Variants in DCAF6 observed in about 807,000 individuals in gnomAD.
DCAF6 encodes DDB1- and CUL4-associated factor 6.
DCAF6 carries 54 observed loss-of-function variants against 125.1 expected under a neutral mutation model. The ratio of observed to expected loss-of-function variants is 0.43; its 90% CI spans 0.35 to 0.54. DCAF6 has a LOEUF of 0.54. Among genes scored for constraint, DCAF6 ranks in the 20% least tolerant of loss-of-function variants. The pLI, the probability that DCAF6 is intolerant of heterozygous loss-of-function variation, is 0.01. For missense variants in DCAF6, 934 were observed against 1,161.7 expected (o/e 0.80, Z 2.85); for synonymous variants, 371 against 390.4 (o/e 0.95, Z 0.58).
At chr1:167,934,526 A>AT (rs1671007080), upstream of DCAF6, among the ~76,000 whole-genome samples, 1 of 152,358 alleles carries the variant, frequency 6.6e-6, no homozygotes, top group South Asian at 2.1e-4. Context: ...GATCAGTTTT[A>AT]TAATGGGTTC....
the DCAF6 span, among the ~76,000 whole-genome samples, chr1:167,928,941 C>T: frequency 4.6e-5 from 7 of 152,310 alleles, no homozygotes; most frequent in South Asian, 1.0e-3. Flanking sequence ...ATCAAACATA[C>T]TATATATTCT....
chr1:167,999,851 A>G (rs189527823), intron 7 of DCAF6, among the ~76,000 whole-genome samples: 24 of 152,128 alleles, frequency 1.6e-4, no homozygotes, highest in Non-Finnish European at 3.2e-4. Context: ...TCGTTTTCTT[A>G]TCATTCATAT....
the DCAF6 span, chr1:167,905,254 A>T: frequency 7.8e-7 from 1 of 1,279,096 alleles, no homozygotes; most frequent in East Asian, 2.3e-5. Flanking sequence ...TCATTTTCCT[A>T]TTGCTCTTTC....
At chr1:168,064,718 A>G (rs1692110125) in intron 18 of DCAF6, among the ~76,000 whole-genome samples, 1 of 152,204 alleles carries the variant, frequency 6.6e-6, no homozygotes, top group African/African-American at 2.4e-5. Context: ...ATTTAACAGT[A>G]GCTCAGATAA....
chr1:167,997,506 G>A (rs1454013991), intron 7 of DCAF6, among the ~76,000 whole-genome samples: 3 of 150,218 alleles, frequency 2.0e-5, no homozygotes, highest in African/African-American at 7.5e-5. Context: ...AATTTATGGG[G>A]ATTTTTTTTT....
upstream of DCAF6, among the ~76,000 whole-genome samples, chr1:167,934,270 T>TA (rs1670995953): frequency 6.6e-6 from 1 of 152,170 alleles, no homozygotes; most frequent in African/African-American, 2.4e-5. Context: ...TTAAGTAGTT[T>TA]AAAATTACTC....
At chr1:167,885,376 A>C in the DCAF6 span, among the ~76,000 whole-genome samples, 1 of 152,232 alleles carries the variant, frequency 6.6e-6, no homozygotes, top group African/African-American at 2.4e-5. Flanking sequence ...CTGTTCTCCA[A>C]GGTGGCTGTG....
chr1:167,925,520 G>GTT, the DCAF6 span, among the ~76,000 whole-genome samples: 2 of 71,938 alleles, frequency 2.8e-5, no homozygotes, highest in African/African-American at 1.1e-4. Flanking sequence ...TACAAACAAC[G>GTT]TTTTTTTTTT....
the DCAF6 span, chr1:167,918,495 G>A: frequency 1.6e-4 from 83 of 506,628 alleles, no homozygotes; most frequent in Middle Eastern, 1.1e-3. Flanking sequence ...GAATCTTCCC[G>A]GAGGGCTTAC....
chr1:167,994,029 T>C (rs1571852021), intron 7 of DCAF6, among the ~76,000 whole-genome samples: 1 of 151,708 alleles, frequency 6.6e-6, no homozygotes, highest in South Asian at 2.1e-4. Context: ...TAATTTGTAA[T>C]TATAATTAGT....
chr1:168,024,757 T>C (rs1454281458), intron 12 of DCAF6, among the ~76,000 whole-genome samples: 2 of 151,216 alleles, frequency 1.3e-5, no homozygotes, highest in African/African-American at 4.9e-5. Context: ...TGAGCCGAGA[T>C]TGCGCCATTG....
chr1:168,041,684 G>A (rs1182714981), intron 13 of DCAF6, among the ~76,000 whole-genome samples: 1 of 151,474 alleles, frequency 6.6e-6, no homozygotes, highest in South Asian at 2.1e-4. Flanking sequence ...ATATTTACTC[G>A]GTTGCTGTGT....
the DCAF6 span, among the ~76,000 whole-genome samples, chr1:167,870,087 C>G: frequency 6.6e-6 from 1 of 152,196 alleles, no homozygotes; most frequent in African/African-American, 2.4e-5. Context: ...TTCTCTTTTT[C>G]TTAGCTCTAT....
At chr1:167,917,409 G>T in the DCAF6 span, 2 of 152,138 alleles carry the variant, frequency 1.3e-5, no homozygotes, top group South Asian at 2.1e-4. Flanking sequence ...GACCAGCCTG[G>T]GCAACATGAC....
Position 167,936,845 on chromosome 1 carries a change from G to A in DCAF6, c.-67G>A, listed in dbSNP as rs961262424. 12 of 1,358,482 alleles carry A rather than the reference G, an allele frequency of 8.8e-6. No homozygotes were observed. Among genetic ancestry groups the A allele is most frequent in the South Asian group, 7.5e-5 (6 of 79,840 alleles). 84.2% of individuals were successfully genotyped at this position (1,358,482 alleles called of 1,614,324 possible). A position where few individuals can be genotyped will look rare whatever the true frequency, so the allele number is the denominator to read the frequency against. ...CGGTGCGGCTCGGGTGTTGAAACGG[G>A]TGTCCCCTCCCCCTCCTCCCCTCCC... On this transcript the variant is annotated 5_prime_UTR_variant, in exon 1 of 22. It adds an upstream start codon to the 5' untranslated region. Coordinates refer to ENST00000367840, the MANE Select transcript of DCAF6 (RefSeq NM_001198956.2).
chr1:167,931,745 T>C (rs369660636), upstream of DCAF6, among the ~76,000 whole-genome samples: 10 of 152,140 alleles, frequency 6.6e-5, no homozygotes, highest in African/African-American at 2.2e-4. Flanking sequence ...TTGCACTAAG[T>C]TGTATTTAAC....
Position 167,951,902 on chromosome 1 carries a change from C to G in DCAF6, c.159+41C>G, listed in dbSNP as rs959956603. 3 of 1,377,174 alleles carry G rather than the reference C, an allele frequency of 2.2e-6. No individual in the cohort carries two copies. The Admixed American group carries it at 5.2e-5, about 24-fold the overall frequency. 85.3% of individuals were successfully genotyped at this position (1,377,174 alleles called of 1,614,324 possible). On this transcript the variant is annotated intron_variant, in intron 2 of 21. Coordinates refer to ENST00000367840, the MANE Select transcript of DCAF6 (RefSeq NM_001198956.2). ...TTCTCAACTCTGAAGGGATTTGATA[C>G]TAAGTGTTTAAGTGTTTGATGAAAT...
intron 1 of DCAF6, among the ~76,000 whole-genome samples, chr1:167,943,968 A>G (rs1005223035): frequency 2.7e-5 from 4 of 150,716 alleles, no homozygotes; most frequent in African/African-American, 9.8e-5. Flanking sequence ...CCTCCCAAGT[A>G]GTTGGGACTA....
intron 5 of DCAF6, among the ~76,000 whole-genome samples, 169 bp from the exon 6 acceptor site, chr1:167,991,035 G>GA (rs1680748459): frequency 2.0e-5 from 3 of 151,712 alleles, no homozygotes; most frequent in Non-Finnish European, 4.4e-5. Flanking sequence ...GTAGAAATCC[G>GA]AAAAAAAAGT....
Sources: allele counts gnomAD v4.1 joint callset (sites outside exome capture counted in the v4.1 genomes callset), GRCh38; gene constraint gnomAD v4.1.1; transcripts MANE v1.5; gene names NCBI Gene and HGNC (gene_info 2026-07-23, HGNC 2026-07-21).